ZBTB20: variants seen among roughly 807,000 people sequenced by gnomAD.
The protein encoded by ZBTB20 is zinc finger and BTB domain containing 20.
In ZBTB20, 9 loss-of-function variants were observed where a neutral mutation model predicts 56.9. The ratio of observed to expected loss-of-function variants is 0.16; its 90% CI spans 0.10 to 0.28. ZBTB20 has a LOEUF of 0.28. ZBTB20 is among the 10% of genes least tolerant of loss of function. The pLI is 1.00. For synonymous variants in ZBTB20, 417 were observed against 420.7 expected (o/e 0.99, Z 0.11); for missense variants, 655 against 1,003.0 (o/e 0.65, Z 4.69).
intron 6 of ZBTB20, among the ~76,000 whole-genome samples, chr3:114,657,963 GA>G (rs1312341466): frequency 6.6e-6 from 1 of 152,070 alleles, no homozygotes; most frequent in Non-Finnish European, 1.5e-5. Context: ...GATAGCACTT[GA>G]ACTGATATGG....
chr3:114,735,207 C>G (rs1231972711), intron 5 of ZBTB20, among the ~76,000 whole-genome samples: 1 of 151,922 alleles, frequency 6.6e-6, no homozygotes, highest in African/African-American at 2.4e-5. Flanking sequence ...GATAAATAAT[C>G]TGAATTTGAA....
intron 3 of ZBTB20, among the ~76,000 whole-genome samples, chr3:114,971,566 G>A (rs780119365): frequency 6.6e-5 from 10 of 152,144 alleles, no homozygotes; most frequent in African/African-American, 1.4e-4. Flanking sequence ...GTAAACTGAC[G>A]AAAGGATGAA....
chr3:114,931,162 TG>T, intron 3 of ZBTB20: 1 of 196,554 alleles, frequency 5.1e-6, no homozygotes, highest in Non-Finnish European at 1.1e-5. Flanking sequence ...TGCTAACAAC[TG>T]GGGTGCAGGA....
intron 6 of ZBTB20, among the ~76,000 whole-genome samples, chr3:114,557,128 A>G (rs1198900612): frequency 3.9e-5 from 6 of 152,068 alleles, no homozygotes; most frequent in Non-Finnish European, 8.8e-5. Flanking sequence ...CAGTTTTATT[A>G]GGAAGTAGCA....
At chr3:114,814,147 T>G (rs2072758536) in intron 4 of ZBTB20, among the ~76,000 whole-genome samples, 1 of 151,648 alleles carries the variant, frequency 6.6e-6, no homozygotes, top group Non-Finnish European at 1.5e-5. Flanking sequence ...GGTAAGATCC[T>G]TTATAGGATG....
chr3:114,565,102 T>A (rs1320537076), intron 6 of ZBTB20, among the ~76,000 whole-genome samples: 1 of 152,200 alleles, frequency 6.6e-6, no homozygotes, highest in Non-Finnish European at 1.5e-5. Context: ...CAGAGGACCA[T>A]CTTTATGCTG....
intron 7 of ZBTB20, among the ~76,000 whole-genome samples, chr3:114,448,649 G>A (rs772138874): frequency 3.1e-4 from 47 of 151,838 alleles, no homozygotes; most frequent in Non-Finnish European, 6.3e-4. Context: ...TAACAGATTC[G>A]GAACAAAGCA....
At chr3:114,783,411 A>C (rs1231539786) in intron 5 of ZBTB20, among the ~76,000 whole-genome samples, 1 of 152,130 alleles carries the variant, frequency 6.6e-6, no homozygotes, top group African/African-American at 2.4e-5. Context: ...TTAATTATGG[A>C]TTCATGAAGC....
chr3:115,126,833 A>C (rs1040823017), intron 1 of ZBTB20, among the ~76,000 whole-genome samples: 4 of 152,244 alleles, frequency 2.6e-5, no homozygotes, highest in Non-Finnish European at 4.4e-5. Context: ...TACTTTGGTT[A>C]GGTCTTGGAC....
In ZBTB20 at chr3:114,450,690, A is replaced by G. The variant is rs566750437; in HGVS notation, c.-255+49662T>C. Among the ~76,000 whole-genome samples the G allele has an allele frequency of 5.9e-5, 9 of 152,288 alleles. No homozygotes were observed. In the East Asian group the frequency reaches 7.7e-4, roughly 13 times the overall value. On this transcript the variant is annotated intron_variant, in intron 7 of 11. Coordinates refer to ENST00000675478, the MANE Select transcript of ZBTB20 (RefSeq NM_001348800.3). ...AAACAGGATATATTATATGTAGATAAGAATAATGTGTATACAACCATATGC... is the reference window on the plus strand; with the variant it reads ...AAACAGGATATATTATATGTAGATAGGAATAATGTGTATACAACCATATGC...
At chr3:114,922,310 G>A (rs944945129) in intron 3 of ZBTB20, among the ~76,000 whole-genome samples, 7 of 151,972 alleles carry the variant, frequency 4.6e-5, no homozygotes, top group Non-Finnish European at 1.0e-4. Context: ...ATTAAACATA[G>A]TATTGGAATT....
chr3:114,582,301 A>G (rs945019190), intron 6 of ZBTB20: 1 of 152,188 alleles, frequency 6.6e-6, no homozygotes, highest in Admixed American at 6.5e-5. Flanking sequence ...GTTCAGAAAC[A>G]AATGTTCCAA....
At chr3:114,674,040 C>T (rs2061500623) in intron 6 of ZBTB20, among the ~76,000 whole-genome samples, 1 of 152,036 alleles carries the variant, frequency 6.6e-6, no homozygotes, top group Admixed American at 6.6e-5. Context: ...GAAGAAAATG[C>T]TTTGGTATAT....
intron 6 of ZBTB20, among the ~76,000 whole-genome samples, chr3:114,652,495 C>T (rs1451598849): frequency 6.6e-6 from 1 of 151,902 alleles, no homozygotes; most frequent in Non-Finnish European, 1.5e-5. Context: ...GCATTATTTT[C>T]ATTATTTTTT....
chr3:114,999,125 G>A (rs1249630070), intron 2 of ZBTB20, among the ~76,000 whole-genome samples: 1 of 144,276 alleles, frequency 6.9e-6, no homozygotes, highest in Non-Finnish European at 1.5e-5. Flanking sequence ...GGAAGGGAAG[G>A]GGAAGAGGAA....
intron 4 of ZBTB20, among the ~76,000 whole-genome samples, chr3:114,803,636 T>A (rs1053965593): frequency 6.6e-6 from 1 of 151,918 alleles, no homozygotes; most frequent in African/African-American, 2.4e-5. Flanking sequence ...TGTCACTATA[T>A]AGTGGGGTTA....
chr3:114,968,588 G>A (rs2077744814), intron 3 of ZBTB20, among the ~76,000 whole-genome samples: 1 of 151,934 alleles, frequency 6.6e-6, no homozygotes, highest in Non-Finnish European at 1.5e-5. Context: ...TGAACTATCT[G>A]ATCAGAAGAC....
chr3:114,936,056 T>A (rs1174903798), intron 3 of ZBTB20, among the ~76,000 whole-genome samples: 1 of 151,998 alleles, frequency 6.6e-6, no homozygotes, highest in Non-Finnish European at 1.5e-5. Context: ...CCTGCATAAT[T>A]TAAATACCTG....
At chr3:114,637,537 T>C (rs1333410209) in intron 6 of ZBTB20, among the ~76,000 whole-genome samples, 1 of 152,138 alleles carries the variant, frequency 6.6e-6, no homozygotes, top group Non-Finnish European at 1.5e-5. Flanking sequence ...CAGACTATGT[T>C]AGTGTTTCCC....
Sources: allele counts gnomAD v4.1 joint callset (sites outside exome capture counted in the v4.1 genomes callset), GRCh38; gene constraint gnomAD v4.1.1; transcripts MANE v1.5; gene names NCBI Gene and HGNC (gene_info 2026-07-23, HGNC 2026-07-21).